B3GNT7: variants seen among roughly 807,000 people sequenced by gnomAD.
The protein encoded by B3GNT7 is BGnT-7.
B3GNT7 carries 9 observed loss-of-function variants against 5.1 expected under a neutral mutation model. That is an observed-to-expected ratio of 1.77 (90% CI 1.07 to 3.09). The LOEUF (loss-of-function observed/expected upper bound fraction) is 3.09, where lower values mean the gene tolerates loss of function less well. Among genes scored for constraint, B3GNT7 ranks in the 30% most tolerant of loss-of-function variants. The pLI, the probability that B3GNT7 is intolerant of heterozygous loss-of-function variation, is 0.00. For missense variants in B3GNT7, 468 were observed against 550.8 expected (o/e 0.85, Z 1.50); for synonymous variants, 253 against 248.6 (o/e 1.02, Z -0.17).
At chr2:231,396,336 A>T (rs1575236896) in intron 1 of B3GNT7, among the ~76,000 whole-genome samples, 2 of 143,736 alleles carry the variant, frequency 1.4e-5, no homozygotes, top group South Asian at 4.6e-4. Flanking sequence ...GCACCCCCCG[A>T]CCTCCCCCGT....
In B3GNT7 at chr2:231,399,165, TGAGGAGC is replaced by T; in HGVS notation, c.*245_*251del. On this transcript the variant is annotated 3_prime_UTR_variant, in exon 2 of 2. Transcript: ENST00000287590. Reference sequence around the variant, plus strand: ...AGCTGCCCAGTCTGGAGGCCCTCTCTGAGGAGCGAGGCGCCAGGCCCTGGCAGCCCTC... The same window carrying T: ...AGCTGCCCAGTCTGGAGGCCCTCTCTGAGGCGCCAGGCCCTGGCAGCCCTC... 1.9e-6 allele frequency: 1 copy of T among 538,464 alleles called. No homozygotes were observed. The highest frequency in any genetic ancestry group is 3.3e-6 in the Non-Finnish European group (1 of 302,842). The allele number at this position is 538,464 out of a possible 1,614,324, so 33.4% of individuals were successfully genotyped here. A position where few individuals can be genotyped will look rare whatever the true frequency, so the allele number is the denominator to read the frequency against.
At position 231,398,456 on chromosome 2, in the gene B3GNT7, A is replaced by G. The variant is rs766058946; in HGVS notation, c.737A>G (p.Asn246Ser). 12 of 1,613,672 alleles carry G rather than the reference A, an allele frequency of 7.4e-6. No homozygotes were observed. Among genetic ancestry groups the G allele is most frequent in the Middle Eastern group, 1.6e-4 (1 of 6,062 alleles). ...IFKGDDDVFV[N>S]PTNLLEFLAD... is the part of the protein sequence containing the mutation. ...AAAGGCGACGATGACGTCTTCGTCAACCCCACCAACCTGCTAGAATTTCTG... is the reference window on the plus strand; with the variant it reads ...AAAGGCGACGATGACGTCTTCGTCAGCCCCACCAACCTGCTAGAATTTCTG... The change falls in exon 2 of 2, where the codon AAC becomes AGC. Residue 246 changes from asparagine (N) to serine (S), a missense_variant. By Grantham distance (46) the Asn-to-Ser change is conservative. Transcript: ENST00000287590.
rs200026812 is a variant in B3GNT7 at position 231,398,418 on chromosome 2, C to A, written c.699C>A (p.Val233=). The change falls in exon 2 of 2, where the codon GTC becomes GTA. Residue 233 remains valine, a synonymous_variant. Transcript: ENST00000287590. ...LKWLDIYCPH[V]PFIFKGDDDV... ...GGCTGGACATCTACTGCCCCCACGTCCCCTTCATTTTCAAAGGCGACGATG... is the reference window on the plus strand; with the variant it reads ...GGCTGGACATCTACTGCCCCCACGTACCCTTCATTTTCAAAGGCGACGATG... 66 of 1,613,748 alleles carry A rather than the reference C, an allele frequency of 4.1e-5. No individual in the cohort carries two copies. The African/African-American group carries it at 8.1e-4, about 20-fold the overall frequency.
In B3GNT7 at chr2:231,395,896, G is replaced by T; in HGVS notation, c.11+82G>T. ...CCCTCCTCCGTGGCCACAGACGGGC[G>T]CCGGGACTCCCGGGATAGGAGATGC... On this transcript the variant is annotated intron_variant, in intron 1 of 1. Coordinates refer to ENST00000287590, the MANE Select transcript of B3GNT7 (RefSeq NM_145236.3). This position sits in a 1 kb window ranked among gnomAD's most constrained non-coding sequence, Gnocchi z 7.3. The T allele has an allele frequency of 1.0e-6, 1 of 990,298 alleles. No individual in the cohort carries two copies. Among genetic ancestry groups the T allele is most frequent in the Non-Finnish European group, 1.3e-6 (1 of 791,542 alleles). 61.3% of individuals were successfully genotyped at this position (990,298 alleles called of 1,614,324 possible).
Position 231,398,897 on chromosome 2 carries a change from C to T in B3GNT7, c.1178C>T (p.Thr393Ile). The change falls in exon 2 of 2, where the codon ACC becomes ATC. Residue 393 changes from threonine to isoleucine, a missense_variant. Thr to Ile is a moderately conservative substitution (Grantham distance 89). Transcript: ENST00000287590. ...TGGGGGCTGGTGCACAGCAATCTCA[C>T]CTGCTCCCGCAAGCTCCAGGTGCTC... is the stretch of plus-strand genomic sequence containing the variant. ...AMWGLVHSNL[T>I]CSRKLQVL The T allele has an allele frequency of 6.3e-7, 1 of 1,588,640 alleles. No individual in the cohort carries two copies. Among genetic ancestry groups the T allele is most frequent in the Non-Finnish European group, 8.5e-7 (1 of 1,175,336 alleles).
At chr2:231,396,765 C>G (rs1424446238) in intron 1 of B3GNT7, among the ~76,000 whole-genome samples, 1 of 152,194 alleles carries the variant, frequency 6.6e-6, no homozygotes, top group Non-Finnish European at 1.5e-5. Flanking sequence ...CTGGCAGCCC[C>G]CGGAGGGTGA....
rs1407615423 is a variant in B3GNT7 at position 231,401,117 on chromosome 2, C to G, written c.*2192C>G. ...TTCGGGGAGCTCGGCTCTTAAGACGCGAGTCTGCCGACGCTCCCGGCCGAA... is the reference window on the plus strand; with the variant it reads ...TTCGGGGAGCTCGGCTCTTAAGACGGGAGTCTGCCGACGCTCCCGGCCGAA... On this transcript the variant is annotated 3_prime_UTR_variant, in exon 2 of 2. Coordinates refer to ENST00000287590, the MANE Select transcript of B3GNT7 (RefSeq NM_145236.3). The G allele has an allele frequency of 6.6e-6, 1 of 152,194 alleles. No individual in the cohort carries two copies. The highest frequency in any genetic ancestry group is 1.5e-5 in the Non-Finnish European group (1 of 68,044). The allele number at this position is 152,194 out of a possible 1,614,324, so 9.4% of individuals were successfully genotyped here.
intron 1 of B3GNT7, chr2:231,397,194 G>A (rs996569888): frequency 1.6e-5 from 16 of 985,444 alleles, no homozygotes; most frequent in African/African-American, 1.7e-5. Flanking sequence ...TGGAGCTCCC[G>A]GGCGGCACAG....
chr2:231,395,738 C>G lies in B3GNT7; in HGVS notation c.-66C>G. ...CGTCCCCACCCGCCCGCCGTCCCGC[C>G]GGCCCGAGCCGTGGCGCCCAGAGCT... On this transcript the variant is annotated 5_prime_UTR_variant, in exon 1 of 2. Coordinates refer to ENST00000287590, the MANE Select transcript of B3GNT7 (RefSeq NM_145236.3). This position sits in a 1 kb window ranked among gnomAD's most constrained non-coding sequence, Gnocchi z 7.3. The G allele has an allele frequency of 1.7e-6, 2 of 1,150,822 alleles. No individual in the cohort carries two copies. The highest frequency in any genetic ancestry group is 2.1e-6 in the Non-Finnish European group (2 of 936,432). 71.3% of individuals were successfully genotyped at this position (1,150,822 alleles called of 1,614,324 possible). A position where few individuals can be genotyped will look rare whatever the true frequency, so the allele number is the denominator to read the frequency against.
rs768922009 is a variant in B3GNT7 at position 231,398,616 on chromosome 2, C to T, written c.897C>T (p.Gly299=). 5.6e-6 allele frequency: 9 copies of T among 1,612,330 alleles called. No individual in the cohort carries two copies. The highest frequency in any genetic ancestry group is 4.5e-5 in the East Asian group (2 of 44,876). The change falls in exon 2 of 2, where the codon GGC becomes GGT. Residue 299 remains glycine (G), a synonymous_variant. Transcript: ENST00000287590. ...AGGCCAGCTATCCGCCGTATGCAGGCGGCGGTGGCTTCCTCATGGCCGGCA... is the reference window on the plus strand; with the variant it reads ...AGGCCAGCTATCCGCCGTATGCAGGTGGCGGTGGCTTCCTCATGGCCGGCA... The part of the protein sequence containing the change: ...YGKASYPPYA[G]GGGFLMAGSL...
chr2:231,396,392 G>A (rs913875083), intron 1 of B3GNT7, among the ~76,000 whole-genome samples: 1 of 152,138 alleles, frequency 6.6e-6, no homozygotes, highest in Non-Finnish European at 1.5e-5. Context: ...GGGCTGGCAG[G>A]GCCGGATCCG....
In B3GNT7 at chr2:231,398,855, C is replaced by A. The variant is rs781471024; in HGVS notation, c.1136C>A (p.Pro379His). ...AMLVVHKLLPPELLAMWGLVH... is the reference protein window; with the variant it reads ...AMLVVHKLLPHELLAMWGLVH... ...CTCGTGGTGCACAAGCTGCTGCCCC[C>A]TGAGCTGCTCGCCATGTGGGGGCTG... Residue 379 changes from proline (P) to histidine (H), a missense_variant, in exon 2 of 2, where the codon CCT (proline) becomes CAT (histidine). Pro to His is a moderately conservative substitution (Grantham distance 77, BLOSUM62 -2). Transcript: ENST00000287590. The A allele has an allele frequency of 6.2e-7, 1 of 1,600,004 alleles. No individual in the cohort carries two copies. The highest frequency in any genetic ancestry group is 1.7e-5 in the Admixed American group (1 of 59,878).
Position 231,399,969 on chromosome 2 carries a change from G to C in B3GNT7, c.*1044G>C, listed in dbSNP as rs1325870649. The C allele has an allele frequency of 1.3e-5, 2 of 152,194 alleles. No individual in the cohort carries two copies. Among genetic ancestry groups the C allele is most frequent in the African/African-American group, 4.8e-5 (2 of 41,356 alleles). The allele number at this position is 152,194 out of a possible 1,614,324, so 9.4% of individuals were successfully genotyped here. On this transcript the variant is annotated 3_prime_UTR_variant, in exon 2 of 2. Transcript: ENST00000287590. ...TGCTTCTCCAGGGCCTAGCAGACCA[G>C]CATCTGCCCCGGTGAAGGGATGGAT...
rs760965384 is a variant in B3GNT7 at position 231,398,214 on chromosome 2, T to G, written c.495T>G (p.Gly165=). Residue 165 remains glycine, a synonymous_variant, in exon 2 of 2, where the codon GGT becomes GGG. Transcript: ENST00000287590. ...QTWGRERQSA[G]GGRGAVRTLF... ...GGGGCCGCGAGCGGCAGTCCGCGGG[T>G]GGGGGCCGAGGCGCCGTGCGCACCC... The G allele has an allele frequency of 6.3e-7, 1 of 1,598,822 alleles. No individual in the cohort carries two copies. Among genetic ancestry groups the G allele is most frequent in the Non-Finnish European group, 8.5e-7 (1 of 1,172,320 alleles).
intron 1 of B3GNT7, chr2:231,397,314 C>T: frequency 2.1e-6 from 2 of 967,914 alleles, no homozygotes; most frequent in Non-Finnish European, 1.2e-6. Flanking sequence ...ATTGGGGTTC[C>T]AGGCGTGGGG....
chr2:231,397,809 C>A lies in B3GNT7; in HGVS notation c.90C>A (p.Thr30=). The A allele has an allele frequency of 6.2e-7, 1 of 1,613,834 alleles. No homozygotes were observed. The highest frequency in any genetic ancestry group is 8.5e-7 in the Non-Finnish European group (1 of 1,179,884). Residue 30 remains threonine (T), a synonymous_variant, in exon 2 of 2, where the codon ACC becomes ACA. Coordinates refer to ENST00000287590, the MANE Select transcript of B3GNT7 (RefSeq NM_145236.3). ...VAVTVFQRSL[T]PGQFLQEPPP... The stretch of plus-strand genomic sequence containing the variant: ...TGACGGTGTTCCAACGCAGTCTCAC[C>A]CCTGGTCAGTTTCTGCAGGAGCCTC...
chr2:231,396,320 C>T (rs975302230), intron 1 of B3GNT7, among the ~76,000 whole-genome samples: 1 of 152,142 alleles, frequency 6.6e-6, no homozygotes, highest in African/African-American at 2.4e-5. Context: ...TCGCCGCCTT[C>T]CCGGTGCACC....
In B3GNT7 at chr2:231,395,842, C is replaced by T. The variant is rs1460050209; in HGVS notation, c.11+28C>T. ...GAGTGGGGCTGGGGGCCGTCGGGGG[C>T]CTGGGCGGGGGCGTGGGCCCGGGGC... On this transcript the variant is annotated intron_variant, in intron 1 of 1. Transcript: ENST00000287590. This position sits in a 1 kb window ranked among gnomAD's most constrained non-coding sequence, Gnocchi z 7.3. The T allele has an allele frequency of 7.8e-6, 9 of 1,157,424 alleles. No homozygotes were observed. Among genetic ancestry groups the T allele is most frequent in the Non-Finnish European group, 8.5e-6 (8 of 939,098 alleles). 71.7% of individuals were successfully genotyped at this position (1,157,424 alleles called of 1,614,324 possible).
chr2:231,399,051 G>A lies in B3GNT7; in HGVS notation c.*126G>A, dbSNP rs1575238714. 15 of 800,482 alleles carry A rather than the reference G, an allele frequency of 1.9e-5. No homozygotes were observed. The highest frequency in any genetic ancestry group is 2.9e-5 in the Admixed American group (1 of 34,404). 49.6% of individuals were successfully genotyped at this position (800,482 alleles called of 1,614,324 possible). ...GGGGAGGTGGAGGGTTGAGGCCTAC[G>A]TGCCACTGGGTGTGGTGGGGTGCAG... On this transcript the variant is annotated 3_prime_UTR_variant, in exon 2 of 2. Coordinates refer to ENST00000287590, the MANE Select transcript of B3GNT7 (RefSeq NM_145236.3).
Sources: gnomAD v4.1 joint callset for allele counts (sites outside exome capture counted in the v4.1 genomes callset) on GRCh38, gnomAD v4.1.1 for gene constraint, Gnocchi (gnomAD v3.1) non-coding constraint, MANE v1.5 for transcripts, NCBI Gene and HGNC (gene_info 2026-07-23, HGNC 2026-07-21) for gene names.